The following BRPF1 variants were observed in gnomAD, a reference collection of about 807,000 sequenced individuals.
BRPF1 encodes peregrin.
BRPF1 carries 15 observed loss-of-function variants against 115.0 expected under a neutral mutation model. The ratio of observed to expected loss-of-function variants is 0.13; its 90% CI spans 0.09 to 0.20. The LOEUF (loss-of-function observed/expected upper bound fraction) is 0.20. Ranked by LOEUF, BRPF1 falls within the 10% of genes least tolerant of loss-of-function variation. The pLI, the probability that BRPF1 is intolerant of heterozygous loss-of-function variation, is 1.00. For synonymous variants in BRPF1, 647 were observed against 619.8 expected (o/e 1.04, Z -0.65); for missense variants, 1,118 against 1,638.3 (o/e 0.68, Z 5.48).
chr3:9,740,232 G>GA (rs1485752929), intron 3 of BRPF1, among the ~76,000 whole-genome samples: 1 of 152,210 alleles, frequency 6.6e-6, no homozygotes, highest in Non-Finnish European at 1.5e-5. Flanking sequence ...AGTTGGGATG[G>GA]AAGAGGATGG....
In BRPF1 at chr3:9,743,458, T is replaced by G. The variant is rs2077065757; in HGVS notation, c.2312-120T>G. 7.8e-7 allele frequency: 1 copy of G among 1,284,616 alleles called. No individual in the cohort carries two copies. Among genetic ancestry groups the G allele is most frequent in the South Asian group, 1.4e-5 (1 of 69,572 alleles). 79.6% of individuals were successfully genotyped at this position (1,284,616 alleles called of 1,614,324 possible). ...ATTCCACATCTTGGTGCTGCTATTT[T>G]ACAGCTGTTCCTGGTGAGAAGCCCA... On this transcript the variant is annotated intron_variant, in intron 7 of 13. Transcript: ENST00000383829. This position sits in a 1 kb window ranked among gnomAD's most constrained non-coding sequence, Gnocchi z 6.1.
intron 8 of BRPF1, 126 bp from the exon 9 acceptor site, chr3:9,744,098 C>A: frequency 7.5e-7 from 1 of 1,334,106 alleles, no homozygotes; most frequent in South Asian, 1.5e-5. Context: ...AATTCCAAGC[C>A]CCTAAAATGA....
rs373516433 is a variant in BRPF1, at chr3:9,742,186, C to A, written c.2001+15C>A. On this transcript the variant is annotated intron_variant, in intron 6 of 13. Coordinates refer to ENST00000383829, the MANE Select transcript of BRPF1 (RefSeq NM_001003694.2). The stretch of plus-strand genomic sequence containing the variant: ...AATTGGACGAAGTAAGAATCCCTTC[C>A]CCTCACTCCACCTTCTCTCTGTTCC... 6.2e-7 allele frequency: 1 copy of A among 1,613,268 alleles called. No individual in the cohort carries two copies. The highest frequency in any genetic ancestry group is 8.5e-7 in the Non-Finnish European group (1 of 1,179,456).
Position 9,741,443 on chromosome 3 carries a change from A to C in BRPF1, c.1854+4A>C. 11 of 1,584,648 alleles carry C rather than the reference A, an allele frequency of 6.9e-6. No individual in the cohort carries two copies. The highest frequency in any genetic ancestry group is 8.6e-6 in the Non-Finnish European group (10 of 1,163,282). On this transcript the variant is annotated splice_donor_region_variant and intron_variant, in intron 5 of 13. Transcript: ENST00000383829. ...GGAAAAACTCAAAAGGGAGACGGTG[A>C]GTGCTCCTGGGCCAGCCCTATTTTA... is the stretch of plus-strand genomic sequence containing the variant.
intron 3 of BRPF1, among the ~76,000 whole-genome samples, chr3:9,740,478 C>G (rs1312953316): frequency 6.6e-6 from 1 of 152,134 alleles, no homozygotes; most frequent in African/African-American, 2.4e-5. Flanking sequence ...GTGGGGCTCC[C>G]AGGGTCAAAT....
chr3:9,737,694 T>G (rs1677133167), intron 2 of BRPF1, among the ~76,000 whole-genome samples: 1 of 152,206 alleles, frequency 6.6e-6, no homozygotes, highest in South Asian at 2.1e-4. Context: ...AAGATAAATG[T>G]ACATATTTGC....
chr3:9,747,720 A>G lies in BRPF1; in HGVS notation c.*371A>G. 1 of 185,240 alleles carries G rather than the reference A, an allele frequency of 5.4e-6. No individual in the cohort carries two copies. Among genetic ancestry groups the G allele is most frequent in the Non-Finnish European group, 1.1e-5 (1 of 87,242 alleles). 11.5% of individuals were successfully genotyped at this position (185,240 alleles called of 1,614,324 possible). Reference sequence around the variant, plus strand: ...AACTGCCTAGAGGCCTGGGGCCCCTACCGGTCGTGAGGTGAGTGGGCATCT... The same window carrying G: ...AACTGCCTAGAGGCCTGGGGCCCCTGCCGGTCGTGAGGTGAGTGGGCATCT... On this transcript the variant is annotated 3_prime_UTR_variant, in exon 14 of 14. Coordinates refer to ENST00000383829, the MANE Select transcript of BRPF1 (RefSeq NM_001003694.2). The surrounding 1 kb of genome is among the most constrained non-coding windows in gnomAD (Gnocchi z 5.6).
rs1398680792 is a variant in BRPF1 at position 9,747,829 on chromosome 3, C to T, written c.*480C>T. 6.8e-6 allele frequency: 1 copy of T among 147,602 alleles called. No individual in the cohort carries two copies. The highest frequency in any genetic ancestry group is 1.5e-5 in the Non-Finnish European group (1 of 67,254). 9.1% of individuals were successfully genotyped at this position (147,602 alleles called of 1,614,324 possible). ...ATTATCGGAGAATTTAAATTATTCTCATTTGTAACTGCGTTTCCGGGTCGC... is the reference window on the plus strand; with the variant it reads ...ATTATCGGAGAATTTAAATTATTCTTATTTGTAACTGCGTTTCCGGGTCGC... On this transcript the variant is annotated 3_prime_UTR_variant, in exon 14 of 14. Coordinates refer to ENST00000383829, the MANE Select transcript of BRPF1 (RefSeq NM_001003694.2). The surrounding 1 kb of genome is among the most constrained non-coding windows in gnomAD (Gnocchi z 5.6).
chr3:9,742,446 T>G (rs906324918), intron 6 of BRPF1: 1 of 985,226 alleles, frequency 1.0e-6, no homozygotes, highest in Non-Finnish European at 1.2e-6. Context: ...ACTTTCGGGG[T>G]GCTGAACCCT....
In BRPF1 at chr3:9,739,023, G is replaced by T; in HGVS notation, c.624G>T (p.Glu208Asp). The change falls in exon 3 of 14, where the codon GAG (glutamate) becomes GAT (aspartate). Residue 208 changes from glutamate (E) to aspartate (D), a missense_variant. Physicochemically the swap from Glu to Asp is conservative, Grantham distance 45 (BLOSUM62 2). This residue lies in a region of BRPF1 where 280 missense variants were observed against 382.8 expected (regional missense o/e 0.73). Coordinates refer to ENST00000383829, the MANE Select transcript of BRPF1 (RefSeq NM_001003694.2). Reference protein sequence around the residue: ...YYRYIEKSAEELDEEVEYDMD... With the variant: ...YYRYIEKSAEDLDEEVEYDMD... Reference sequence around the variant, plus strand: ...GGTACATCGAGAAGTCTGCAGAGGAGCTGGACGAGGAAGTAGAGTATGACA... The same window carrying T: ...GGTACATCGAGAAGTCTGCAGAGGATCTGGACGAGGAAGTAGAGTATGACA... 14 of 1,584,694 alleles carry T rather than the reference G, an allele frequency of 8.8e-6. No homozygotes were observed. Among genetic ancestry groups the T allele is most frequent in the Non-Finnish European group, 1.2e-5 (14 of 1,162,650 alleles).
Position 9,745,544 on chromosome 3 carries a change from G to C in BRPF1, c.3069-29G>C. On this transcript the variant is annotated intron_variant, in intron 10 of 13. Transcript: ENST00000383829. The surrounding 1 kb of genome is among the most constrained non-coding windows in gnomAD (Gnocchi z 5.1). Reference sequence around the variant, plus strand: ...CTGTTCCCCATTCTTCCCCTCCTTTGAGCTGAGCTCCCATTGTCTTGTCCA... The same window carrying C: ...CTGTTCCCCATTCTTCCCCTCCTTTCAGCTGAGCTCCCATTGTCTTGTCCA... The C allele has an allele frequency of 6.2e-7, 1 of 1,610,860 alleles. No homozygotes were observed. The highest frequency in any genetic ancestry group is 1.1e-5 in the South Asian group (1 of 91,018).
intron 2 of BRPF1, 91 bp from the exon 3 acceptor site, chr3:9,738,908 A>C: frequency 8.1e-7 from 1 of 1,241,088 alleles, no homozygotes; most frequent in Non-Finnish European, 1.1e-6. Flanking sequence ...GGGCATAGGC[A>C]CAGAGTAAGT....
chr3:9,741,450 C>T lies in BRPF1; in HGVS notation c.1854+11C>T, dbSNP rs763443294. 6.4e-7 allele frequency: 1 copy of T among 1,566,658 alleles called. No homozygotes were observed. The highest frequency in any genetic ancestry group is 2.3e-5 in the East Asian group (1 of 43,736). ...CTCAAAAGGGAGACGGTGAGTGCTCCTGGGCCAGCCCTATTTTATAAAAGA... is the reference window on the plus strand; with the variant it reads ...CTCAAAAGGGAGACGGTGAGTGCTCTTGGGCCAGCCCTATTTTATAAAAGA... On this transcript the variant is annotated intron_variant, in intron 5 of 13. Coordinates refer to ENST00000383829, the MANE Select transcript of BRPF1 (RefSeq NM_001003694.2).
intron 2 of BRPF1, among the ~76,000 whole-genome samples, chr3:9,736,376 G>A (rs972219589): frequency 4.6e-5 from 7 of 152,156 alleles, no homozygotes; most frequent in African/African-American, 1.4e-4. Flanking sequence ...TCTCTCCACT[G>A]TTTGAGTTTA....
In BRPF1 at chr3:9,746,152, A is replaced by C. The variant is rs1388071656; in HGVS notation, c.3325-148A>C. 4.5e-5 allele frequency: 54 copies of C among 1,192,216 alleles called. No individual in the cohort carries two copies. In the East Asian group the frequency reaches 5.7e-4, roughly 13 times the overall value. 73.9% of individuals were successfully genotyped at this position (1,192,216 alleles called of 1,614,324 possible). A position where few individuals can be genotyped will look rare whatever the true frequency, so the allele number is the denominator to read the frequency against. Reference sequence around the variant, plus strand: ...TCCTTGGGCTCTGAAATAATTTAGCATGGAAAGAAGCTGAGGGTCAGCATT... The same window carrying C: ...TCCTTGGGCTCTGAAATAATTTAGCCTGGAAAGAAGCTGAGGGTCAGCATT... On this transcript the variant is annotated intron_variant, in intron 12 of 13. Transcript: ENST00000383829.
intron 13 of BRPF1, among the ~76,000 whole-genome samples, 186 bp downstream of exon 13, chr3:9,746,640 C>T (rs1165143847): frequency 6.6e-6 from 1 of 152,070 alleles, no homozygotes; most frequent in East Asian, 1.9e-4. Context: ...GCTGAGTGGG[C>T]ACTAGTGGAC....
rs1057519512 is a variant in BRPF1, at chr3:9,743,763, C to T, written c.2497C>T (p.Arg833Ter). 1 of 1,614,014 alleles carries T rather than the reference C, an allele frequency of 6.2e-7. No homozygotes were observed. ...ACTGCGGCGGAAGCTTGCCCATCAG[C>T]GAGAGACGGGACGTGATGGCCCTGA... Reference protein sequence around the residue: ...TALRRKLAHQRETGRDGPERH... With the variant: ...TALRRKLAHQ Residue 833 changes from arginine to a stop codon, truncating the protein, a stop_gained, in exon 8 of 14, where the codon CGA (arginine) becomes TGA (stop). Transcript: ENST00000383829. LOFTEE classifies it high-confidence loss of function. This position sits in a 1 kb window ranked among gnomAD's most constrained non-coding sequence, Gnocchi z 6.1.
intron 1 of BRPF1, chr3:9,732,485 C>G (rs771461783): frequency 2.0e-5 from 3 of 152,178 alleles, no homozygotes; most frequent in Non-Finnish European, 4.4e-5. Flanking sequence ...GGGGCAGATG[C>G]AGCCGCCATT....
At chr3:9,741,958 A>G in intron 5 of BRPF1, 67 bp from the exon 6 acceptor site, 1 of 1,589,952 alleles carries the variant, frequency 6.3e-7, no homozygotes, top group South Asian at 1.1e-5. Flanking sequence ...AGCTGGGACC[A>G]TATCCTCAGA....
Sources: gnomAD v4.1 joint callset for allele counts (sites outside exome capture counted in the v4.1 genomes callset) on GRCh38, gnomAD v4.1.1 for gene constraint, gnomAD v4.1.1 regional missense constraint, Gnocchi (gnomAD v3.1) non-coding constraint, MANE v1.5 for transcripts, NCBI Gene and HGNC (gene_info 2026-07-23, HGNC 2026-07-21) for gene names.